CDC42EP4: variants seen among roughly 807,000 people sequenced by gnomAD.
CDC42EP4 encodes the protein CDC42 effector protein 4, also known as CDC42 effector protein (Rho GTPase binding) 4.
A neutral mutation model predicts 5.6 loss-of-function variants in CDC42EP4; 6 were observed. The observed-to-expected ratio is 1.07, with a 90% confidence interval of 0.59 to 2.12. The LOEUF (loss-of-function observed/expected upper bound fraction) is 2.12, where lower values mean the gene tolerates loss of function less well. Ranked by LOEUF, CDC42EP4 falls within the 30% of genes most tolerant of loss-of-function variation. CDC42EP4 has a pLI of 0.00. For missense variants in CDC42EP4, 490 were observed against 508.6 expected, an observed-to-expected ratio of 0.96 and a Z score of 0.35; for synonymous variants, 230 against 224.2, an observed-to-expected ratio of 1.03 and a Z score of -0.23.
chr17:73,301,281 C>G (rs1236082516), intron 1 of CDC42EP4, among the ~76,000 whole-genome samples: 3 of 152,204 alleles, frequency 2.0e-5, no homozygotes, highest in Non-Finnish European at 4.4e-5. Context: ...ATGTATGGCA[C>G]TTGCCTAAGA....
At chr17:73,309,628 C>T (rs2062263203) in intron 1 of CDC42EP4, 1 of 152,800 alleles carries the variant, frequency 6.5e-6, no homozygotes, top group African/African-American at 2.4e-5. Flanking sequence ...AGGCAGAAAC[C>T]CCAGAAAATG....
At chr17:73,299,329 T>C (rs201049283) in intron 1 of CDC42EP4, among the ~76,000 whole-genome samples, 41 of 150,226 alleles carry the variant, frequency 2.7e-4, no homozygotes, top group Admixed American at 2.5e-3. Flanking sequence ...ACTCGGGAGG[T>C]TGAGGCAGGA....
intron 1 of CDC42EP4, among the ~76,000 whole-genome samples, chr17:73,297,859 A>G (rs569548714): frequency 1.6e-4 from 24 of 151,980 alleles, no homozygotes; most frequent in African/African-American, 5.1e-4. Flanking sequence ...GGGTTTCCCC[A>G]TGTTGACCAG....
Position 73,308,124 on chromosome 17 carries a change from C to T in CDC42EP4, c.-113+3769G>A, listed in dbSNP as rs1329712662. ...ACATGCGGGCTCCTTCCAGCACTAC[C>T]ATCCAGTTCCCTGCCGAGAGAGGGC... On this transcript the variant is annotated intron_variant, in intron 1 of 1. Coordinates refer to ENST00000335793, the MANE Select transcript of CDC42EP4 (RefSeq NM_012121.5). Among the ~76,000 whole-genome samples, 3 of 152,300 alleles carry T rather than the reference C, an allele frequency of 2.0e-5. No individual in the cohort carries two copies. In the East Asian group the frequency reaches 5.8e-4, roughly 29 times the overall value.
chr17:73,292,158 CG>C (rs1280311409), intron 1 of CDC42EP4, among the ~76,000 whole-genome samples: 1 of 152,244 alleles, frequency 6.6e-6, no homozygotes, highest in Non-Finnish European at 1.5e-5. Context: ...CGGTTCACCC[CG>C]GTATACAGGG....
chr17:73,286,615 G>T lies in CDC42EP4; in HGVS notation c.-112-3C>A. ...GACGCAATGAGGAGATCATAAGGCT[G>T]CAAGCAGAGAATGAGAGGCAAAGGA... On this transcript the variant is annotated splice_region_variant and splice_polypyrimidine_tract_variant and intron_variant, in intron 1 of 1. Coordinates refer to ENST00000335793, the MANE Select transcript of CDC42EP4 (RefSeq NM_012121.5). The surrounding 1 kb of genome is among the most constrained non-coding windows in gnomAD (Gnocchi z 7.7). The T allele has an allele frequency of 1.4e-6, 1 of 729,048 alleles. No individual in the cohort carries two copies. Among genetic ancestry groups the T allele is most frequent in the East Asian group, 2.7e-5 (1 of 36,812 alleles). The allele number at this position is 729,048 out of a possible 1,614,324, so 45.2% of individuals were successfully genotyped here. A position where few individuals can be genotyped will look rare whatever the true frequency, so the allele number is the denominator to read the frequency against.
intron 1 of CDC42EP4, among the ~76,000 whole-genome samples, chr17:73,298,245 GTTTTAT>G (rs1332466744): frequency 6.6e-6 from 1 of 152,152 alleles, no homozygotes; most frequent in Non-Finnish European, 1.5e-5. Context: ...TTAGGTCCTT[GTTTTAT>G]TCTAAGTTGC....
chr17:73,296,710 C>T (rs1194555543), intron 1 of CDC42EP4, among the ~76,000 whole-genome samples: 1 of 151,656 alleles, frequency 6.6e-6, no homozygotes, highest in Admixed American at 6.6e-5. Context: ...CGGCTGGGCA[C>T]GGTGGCTCAC....
intron 1 of CDC42EP4, chr17:73,311,208 G>T (rs1004329863): frequency 1.3e-5 from 2 of 152,232 alleles, no homozygotes; most frequent in African/African-American, 4.8e-5. Context: ...GGGCGGGGCG[G>T]GAGCCTGGCG....
chr17:73,301,152 TG>T (rs1223666691), intron 1 of CDC42EP4, among the ~76,000 whole-genome samples: 4 of 152,176 alleles, frequency 2.6e-5, no homozygotes, highest in African/African-American at 4.8e-5. Context: ...AAAAAGAGGA[TG>T]TATAAAATAT....
rs768035490 is a variant in CDC42EP4 at position 73,286,050 on chromosome 17, C to T, written c.451G>A (p.Glu151Lys). The T allele has an allele frequency of 1.2e-6, 2 of 1,613,946 alleles. No individual in the cohort carries two copies. The highest frequency in any genetic ancestry group is 1.7e-6 in the Non-Finnish European group (2 of 1,180,012). The change falls in exon 2 of 2, where the codon GAG becomes AAG. Residue 151 changes from glutamate (E) to lysine (K), a missense_variant. Coordinates refer to ENST00000335793, the MANE Select transcript of CDC42EP4 (RefSeq NM_012121.5). This position sits in a 1 kb window ranked among gnomAD's most constrained non-coding sequence, Gnocchi z 7.7. Reference protein sequence around the residue: ...SSPVKKANDGEGGDEEAGTEE... With the variant: ...SSPVKKANDGKGGDEEAGTEE... ...GTGCCCGCCTCCTCATCGCCGCCCT[C>T]CCCGTCATTGGCCTTCTTCACGGGG... is the stretch of plus-strand genomic sequence containing the variant.
Position 73,286,521 on chromosome 17 carries a change from G to A in CDC42EP4, c.-21C>T, listed in dbSNP as rs2145305667. The A allele has an allele frequency of 5.8e-6, 9 of 1,557,466 alleles. No homozygotes were observed. The highest frequency in any genetic ancestry group is 1.2e-5 in the South Asian group (1 of 82,842). The stretch of plus-strand genomic sequence containing the variant: ...GGCATCTTGCTGGATGGGCGGGGAG[G>A]TGGGCCCTCCCGAGGTAGCCGGCAG... On this transcript the variant is annotated 5_prime_UTR_variant, in exon 2 of 2. Coordinates refer to ENST00000335793, the MANE Select transcript of CDC42EP4 (RefSeq NM_012121.5). The surrounding 1 kb of genome is among the most constrained non-coding windows in gnomAD (Gnocchi z 7.7).
At chr17:73,294,238 T>A (rs182855904) in intron 1 of CDC42EP4, among the ~76,000 whole-genome samples, 181 of 152,064 alleles carry the variant, frequency 1.2e-3, no homozygotes, top group Middle Eastern at 3.4e-3. Flanking sequence ...GTAGTCCCAG[T>A]TATTCAGGAG....
intron 1 of CDC42EP4, among the ~76,000 whole-genome samples, chr17:73,299,657 T>C (rs1364603218): frequency 2.0e-5 from 3 of 152,080 alleles, no homozygotes; most frequent in Non-Finnish European, 4.4e-5. Context: ...TGGCAGACCT[T>C]GGAGCATGTG....
In CDC42EP4 at chr17:73,298,241, C is replaced by G. The variant is rs572189781; in HGVS notation, c.-112-11629G>C. Among the ~76,000 whole-genome samples the G allele has an allele frequency of 2.0e-5, 3 of 152,242 alleles. No homozygotes were observed. In the South Asian group the frequency reaches 6.2e-4, roughly 32 times the overall value. On this transcript the variant is annotated intron_variant, in intron 1 of 1. Transcript: ENST00000335793. ...CCCAAGCCAGACACGTTTATTAGGT[C>G]CTTGTTTTATTCTAAGTTGCCTGGG... is the stretch of plus-strand genomic sequence containing the variant.
chr17:73,295,697 G>GT (rs1485223371), intron 1 of CDC42EP4, among the ~76,000 whole-genome samples: 4 of 152,016 alleles, frequency 2.6e-5, no homozygotes, highest in African/African-American at 9.7e-5. Context: ...GAGGTCAGGA[G>GT]TTTGAGACCA....
intron 1 of CDC42EP4, among the ~76,000 whole-genome samples, chr17:73,306,209 G>A (rs1193602403): frequency 3.3e-5 from 5 of 152,004 alleles, no homozygotes; most frequent in African/African-American, 1.2e-4. Flanking sequence ...TAATGCACAG[G>A]CCAGGCACCG....
At position 73,284,712 on chromosome 17, in the gene CDC42EP4, G is replaced by A. The variant is rs774372865; in HGVS notation, c.*718C>T. Reference sequence around the variant, plus strand: ...ATAATAAAGAACAAACAAGCCCCTAGGGACTGAGCGAGTGCCCTAGCCCTG... The same window carrying A: ...ATAATAAAGAACAAACAAGCCCCTAAGGACTGAGCGAGTGCCCTAGCCCTG... On this transcript the variant is annotated 3_prime_UTR_variant, in exon 2 of 2. Coordinates refer to ENST00000335793, the MANE Select transcript of CDC42EP4 (RefSeq NM_012121.5). 2 of 152,206 alleles carry A rather than the reference G, an allele frequency of 1.3e-5. No homozygotes were observed. Among genetic ancestry groups the A allele is most frequent in the Non-Finnish European group, 1.5e-5 (1 of 68,036 alleles). The allele number at this position is 152,206 out of a possible 1,614,324, so 9.4% of individuals were successfully genotyped here. A position where few individuals can be genotyped will look rare whatever the true frequency, so the allele number is the denominator to read the frequency against.
At chr17:73,293,353 G>T (rs1225973650) in intron 1 of CDC42EP4, among the ~76,000 whole-genome samples, 1 of 152,228 alleles carries the variant, frequency 6.6e-6, no homozygotes, top group Non-Finnish European at 1.5e-5. Flanking sequence ...GTCTGGCGAA[G>T]GGGGACACAG....
Sources: gnomAD v4.1 joint callset for allele counts (sites outside exome capture counted in the v4.1 genomes callset) on GRCh38, gnomAD v4.1.1 for gene constraint, Gnocchi (gnomAD v3.1) non-coding constraint, MANE v1.5 for transcripts, NCBI Gene and HGNC (gene_info 2026-07-23, HGNC 2026-07-21) for gene names.